FAT3: variants seen among roughly 807,000 people sequenced by gnomAD.
The protein encoded by FAT3 is FAT atypical cadherin 3.
Under a neutral mutation model 310.2 loss-of-function variants are expected in FAT3, and 95 were observed. That is an observed-to-expected ratio of 0.31 (90% CI 0.26 to 0.36). The LOEUF (loss-of-function observed/expected upper bound fraction) is 0.36, where lower values mean the gene tolerates loss of function less well. Ranked by LOEUF, FAT3 falls within the 10% of genes least tolerant of loss-of-function variation. The probability of loss-of-function intolerance (pLI) is 1.00; values close to 1 mark genes in which losing one functional copy is unlikely to be tolerated. For missense variants in FAT3, 5,408 were observed against 5,715.6 expected, an observed-to-expected ratio of 0.95 and a Z score of 1.74; for synonymous variants, 2,314 against 2,192.9, an observed-to-expected ratio of 1.06 and a Z score of -1.54.
Position 92,352,822 on chromosome 11 carries a change from G to A in FAT3, c.710G>A (p.Gly237Glu), listed in dbSNP as rs1241843537. 6.2e-7 allele frequency: 1 copy of A among 1,613,912 alleles called. No homozygotes were observed. Among genetic ancestry groups the A allele is most frequent in the Admixed American group, 1.7e-5 (1 of 59,988 alleles). The change falls in exon 2 of 28, where the codon GGA (glycine) becomes GAA (glutamate). Residue 237 changes from glycine (G) to glutamate (E), a missense_variant. Coordinates refer to ENST00000525166, the MANE Select transcript of FAT3 (RefSeq NM_001367949.2). The stretch of plus-strand genomic sequence containing the variant: ...CTGGAAATTTTGGCTGTGGACCGGG[G>A]AATGAAACTGTATGGGAACAATGGA... ...YDLEILAVDR[G>E]MKLYGNNGVS...
chr11:92,403,650 T>A (rs908238795), intron 2 of FAT3, among the ~76,000 whole-genome samples: 11 of 152,196 alleles, frequency 7.2e-5, no homozygotes, highest in Non-Finnish European at 1.5e-4. Context: ...ACAACTGCAC[T>A]ACTAAAGGCC....
chr11:92,404,275 A>G (rs560144109), intron 2 of FAT3, among the ~76,000 whole-genome samples: 1 of 152,210 alleles, frequency 6.6e-6, no homozygotes, highest in South Asian at 2.1e-4. Context: ...AGAAAGACAG[A>G]TGTGTTGATG....
intron 2 of FAT3, among the ~76,000 whole-genome samples, chr11:92,499,399 G>T (rs950456597): frequency 2.0e-5 from 3 of 152,058 alleles, no homozygotes; most frequent in Non-Finnish European, 2.9e-5. Context: ...ACTATTTAAA[G>T]ATTAATTAAA....
rs1949983532 is a variant in FAT3 at position 92,894,475 on chromosome 11, T to C, written c.*3362T>C. The C allele has an allele frequency of 6.6e-6, 1 of 152,224 alleles. No individual in the cohort carries two copies. The highest frequency in any genetic ancestry group is 1.5e-5 in the Non-Finnish European group (1 of 68,044). 9.4% of individuals were successfully genotyped at this position (152,224 alleles called of 1,614,324 possible). A position where few individuals can be genotyped will look rare whatever the true frequency, so the allele number is the denominator to read the frequency against. On this transcript the variant is annotated 3_prime_UTR_variant, in exon 28 of 28. Transcript: ENST00000525166. ...AAATCAATTAATGTCTTTCTCATTT[T>C]TCGAACATGTATGTGCCACCTCCTG...
At chr11:92,588,989 A>G (rs1157706772) in intron 3 of FAT3, among the ~76,000 whole-genome samples, 1 of 152,074 alleles carries the variant, frequency 6.6e-6, no homozygotes, top group African/African-American at 2.4e-5. Context: ...CATTAATGTG[A>G]TAGGTCTGAG....
chr11:92,868,117 G>T (rs190362848), intron 22 of FAT3, among the ~76,000 whole-genome samples: 188 of 152,302 alleles, frequency 1.2e-3, no homozygotes, highest in Admixed American at 4.7e-3. Context: ...CAGTCCCTTT[G>T]CAGAGTCGCT....
intron 1 of FAT3, among the ~76,000 whole-genome samples, chr11:92,279,026 T>C (rs200340621): frequency 3.3e-5 from 5 of 152,078 alleles, no homozygotes; most frequent in African/African-American, 7.2e-5. Context: ...AACTCTTAAA[T>C]AGGAAATGGC....
chr11:92,461,234 A>T (rs1951630781), intron 2 of FAT3, among the ~76,000 whole-genome samples: 1 of 152,082 alleles, frequency 6.6e-6, no homozygotes, highest in African/African-American at 2.4e-5. Context: ...TGTGGATGAG[A>T]GGAGAGAGAT....
chr11:92,843,525 G>T (rs1233641666), intron 18 of FAT3, among the ~76,000 whole-genome samples: 1 of 152,126 alleles, frequency 6.6e-6, no homozygotes, highest in Non-Finnish European at 1.5e-5. Context: ...GTGCTATCTG[G>T]GTCCAGTCAA....
chr11:92,664,401 C>T (rs1278518395), intron 3 of FAT3, among the ~76,000 whole-genome samples: 1 of 152,134 alleles, frequency 6.6e-6, no homozygotes, highest in Non-Finnish European at 1.5e-5. Flanking sequence ...AGATGGTCCT[C>T]AATATCTGTG....
In FAT3 at chr11:92,512,849, G is replaced by A. The variant is rs1456650996; in HGVS notation, c.3293-11785G>A. 3.7e-3 allele frequency among the ~76,000 whole-genome samples: 241 copies of A among 64,360 alleles called. 5 individuals carry two copies. The highest frequency in any genetic ancestry group is 0.016 in the African/African-American group (221 of 14,004). 42.2% of individuals were successfully genotyped at this position (64,360 alleles called of 152,430 possible). Reference sequence around the variant, plus strand: ...TCTAAGTTAAGATTATCGGCCGGGCGCGGTGGCTCACGCCTGTAATCCCAG... The same window carrying A: ...TCTAAGTTAAGATTATCGGCCGGGCACGGTGGCTCACGCCTGTAATCCCAG... On this transcript the variant is annotated intron_variant, in intron 2 of 27. Coordinates refer to ENST00000525166, the MANE Select transcript of FAT3 (RefSeq NM_001367949.2).
At chr11:92,636,306 C>T (rs981426517) in intron 3 of FAT3, among the ~76,000 whole-genome samples, 5 of 152,102 alleles carry the variant, frequency 3.3e-5, no homozygotes, top group African/African-American at 1.2e-4. Flanking sequence ...TTGACTTTGG[C>T]CGTGATATGT....
intron 1 of FAT3, among the ~76,000 whole-genome samples, chr11:92,343,992 A>G (rs1948343345): frequency 6.6e-6 from 1 of 152,198 alleles, no homozygotes; most frequent in African/African-American, 2.4e-5. Flanking sequence ...AGGGGGAAAG[A>G]AAGGAATTCA....
intron 3 of FAT3, among the ~76,000 whole-genome samples, chr11:92,637,186 T>C (rs1941795776): frequency 6.6e-6 from 1 of 152,076 alleles, no homozygotes. Context: ...TGATAGCCTG[T>C]TGAGAATTAG....
intron 13 of FAT3, among the ~76,000 whole-genome samples, chr11:92,810,333 G>T (rs1336966224): frequency 6.6e-6 from 1 of 152,160 alleles, no homozygotes; most frequent in Non-Finnish European, 1.5e-5. Flanking sequence ...AGGAGTTTGG[G>T]TTGGTTTGTT....
rs527984554 is a variant in FAT3 at position 92,810,037 on chromosome 11, G to T, written c.9442G>T (p.Ala3148Ser). ...TCVYENTATK[A>S]LLTRVQAVDP... ...TGTCTATGAGAACACAGCCACCAAG[G>T]CTCTGTTGACCAGAGTTCAAGCCGT... Residue 3148 changes from alanine to serine, a missense_variant, in exon 13 of 28, where the codon GCT becomes TCT. Physicochemically the swap from Ala to Ser is moderately conservative, Grantham distance 99. Around this residue, in one of 5 missense-constraint regions of FAT3, gnomAD observed 4,588 missense variants for 4,809.8 expected, o/e 0.95. Transcript: ENST00000525166. The T allele has an allele frequency of 6.2e-7, 1 of 1,613,900 alleles. No individual in the cohort carries two copies. The highest frequency in any genetic ancestry group is 1.1e-5 in the South Asian group (1 of 91,054).
intron 1 of FAT3, among the ~76,000 whole-genome samples, chr11:92,265,849 C>T (rs1401035373): frequency 6.6e-6 from 1 of 152,012 alleles, no homozygotes; most frequent in Non-Finnish European, 1.5e-5. Flanking sequence ...CTAAAGGTCC[C>T]ACCTGTTAGT....
At chr11:92,267,236 A>G (rs763959032) in intron 1 of FAT3, among the ~76,000 whole-genome samples, 2 of 152,164 alleles carry the variant, frequency 1.3e-5, no homozygotes, top group South Asian at 4.1e-4. Context: ...ATTTATTTGT[A>G]TGTGCCTACA....
chr11:92,412,732 T>TACACAC (rs1196404353), intron 2 of FAT3, among the ~76,000 whole-genome samples: 2 of 17,948 alleles, frequency 1.1e-4, no homozygotes, highest in Non-Finnish European at 3.5e-4. Flanking sequence ...TATATATATA[T>TACACAC]ATATATATAT....
Sources: allele counts gnomAD v4.1 joint callset (sites outside exome capture counted in the v4.1 genomes callset), GRCh38; gene constraint gnomAD v4.1.1; regional missense constraint gnomAD v4.1.1; transcripts MANE v1.5; gene names NCBI Gene and HGNC (gene_info 2026-07-23, HGNC 2026-07-21).